TMBIM6: variants seen among roughly 807,000 people sequenced by gnomAD.
TMBIM6 encodes the protein bax inhibitor 1.
TMBIM6 carries 13 observed loss-of-function variants against 31.4 expected under a neutral mutation model. The observed-to-expected ratio is 0.41, with a 90% confidence interval of 0.27 to 0.66. The LOEUF is 0.66. Ranked by LOEUF, TMBIM6 falls within the 30% of genes least tolerant of loss-of-function variation. TMBIM6 has a pLI of 0.28. For missense variants in TMBIM6, 275 were observed against 289.5 expected (o/e 0.95, Z 0.36); for synonymous variants, 85 against 101.7 (o/e 0.84, Z 0.99).
At chr12:49,742,294 G>A in intron 1 of TMBIM6, 1 of 1,568,862 alleles carries the variant, frequency 6.4e-7, no homozygotes, top group South Asian at 1.2e-5. Context: ...AGGTGGCTTT[G>A]CTTTGCTTGG....
rs766062011 is a variant in TMBIM6 at position 49,752,545 on chromosome 12, C to T, written c.52C>T (p.His18Tyr). The T allele has an allele frequency of 6.2e-7, 1 of 1,612,744 alleles. No individual in the cohort carries two copies. Among genetic ancestry groups the T allele is most frequent in the East Asian group, 2.2e-5 (1 of 44,850 alleles). Residue 18 changes from histidine to tyrosine, a missense_variant, in exon 2 of 10, where the codon CAT becomes TAT. By Grantham distance (83) the His-to-Tyr change is moderately conservative. Transcript: ENST00000267115. ...CTTTGATGCGCTTTTAAAATTTTCTCATATGTAAGTGTTTTGACCTTGACT... is the reference window on the plus strand; with the variant it reads ...CTTTGATGCGCTTTTAAAATTTTCTTATATGTAAGTGTTTTGACCTTGACT... Reference protein sequence around the residue: ...INFDALLKFSHITPSTQQHLK... With the variant: ...INFDALLKFSYITPSTQQHLK...
Position 49,752,563 on chromosome 12 carries a change from C to G in TMBIM6, c.56+14C>G. On this transcript the variant is annotated intron_variant, in intron 2 of 9. Transcript: ENST00000267115. ...ATTTTCTCATATGTAAGTGTTTTGA[C>G]CTTGACTGGTTTTGTACTGCATTTC... The G allele has an allele frequency of 6.2e-7, 1 of 1,600,724 alleles. No individual in the cohort carries two copies. The highest frequency in any genetic ancestry group is 8.6e-7 in the Non-Finnish European group (1 of 1,168,958).
Position 49,752,466 on chromosome 12 carries a change from T to C in TMBIM6, c.-28T>C. On this transcript the variant is annotated splice_region_variant and 5_prime_UTR_variant, in exon 2 of 10. Coordinates refer to ENST00000267115, the MANE Select transcript of TMBIM6 (RefSeq NM_003217.3). ...TCTAACCTTTCTTTATTCTGCAGAG[T>C]GGAGACTGCTGCACGGACTCTGGAA... The C allele has an allele frequency of 6.2e-7, 1 of 1,609,258 alleles. No individual in the cohort carries two copies. The highest frequency in any genetic ancestry group is 8.5e-7 in the Non-Finnish European group (1 of 1,177,472).
chr12:49,755,995 G>A (rs146044940), intron 4 of TMBIM6, among the ~76,000 whole-genome samples: 34 of 151,766 alleles, frequency 2.2e-4, no homozygotes, highest in African/African-American at 6.3e-4. Flanking sequence ...CACCACACCC[G>A]GCTAATATTT....
At chr12:49,744,568 G>T (rs1358194291) in intron 1 of TMBIM6, 2 of 152,152 alleles carry the variant, frequency 1.3e-5, no homozygotes, top group African/African-American at 2.4e-5. Context: ...AGCCAGCTGG[G>T]GAATGTTGAT....
chr12:49,741,636 G>A lies in TMBIM6; in HGVS notation c.-31+25G>A, dbSNP rs1179154148. On this transcript the variant is annotated intron_variant, in intron 1 of 9. Transcript: ENST00000267115. The stretch of plus-strand genomic sequence containing the variant: ...GGTACGTCTGAACCTAGTACTGGGC[G>A]AACTGGGAGTGAGAAATGGAAAGGG... 2.9e-5 allele frequency: 5 copies of A among 170,716 alleles called. No homozygotes were observed. In the South Asian group the frequency reaches 3.1e-4, roughly 11 times the overall value. The allele number at this position is 170,716 out of a possible 1,614,324, so 10.6% of individuals were successfully genotyped here. A position where few individuals can be genotyped will look rare whatever the true frequency, so the allele number is the denominator to read the frequency against.
chr12:49,747,754 GTC>G (rs1032396878), intron 1 of TMBIM6, among the ~76,000 whole-genome samples: 5 of 152,300 alleles, frequency 3.3e-5, no homozygotes, highest in African/African-American at 1.2e-4. Flanking sequence ...CTGAGGCAAA[GTC>G]TGTCTTGGCT....
chr12:49,753,170 C>A, intron 3 of TMBIM6, 89 bp downstream of exon 3: 1 of 904,326 alleles, frequency 1.1e-6, no homozygotes, highest in East Asian at 2.6e-5. Context: ...GACCCTGTTC[C>A]TCTCTTTAAT....
chr12:49,759,171 T>C, intron 7 of TMBIM6, 50 bp from the exon 8 acceptor site: 2 of 1,525,518 alleles, frequency 1.3e-6, no homozygotes, highest in East Asian at 4.5e-5. Flanking sequence ...CTGGTTTTTT[T>C]TTCTCTGCAA....
chr12:49,755,889 A>G (rs933183448), intron 4 of TMBIM6, 134 bp downstream of exon 4: 387 of 1,042,972 alleles, frequency 3.7e-4, no homozygotes, highest in Non-Finnish European at 4.9e-4. Context: ...GCCAGAGTGC[A>G]GTGGCTTGAT....
intron 3 of TMBIM6, 26 bp from the exon 4 acceptor site, chr12:49,755,609 T>C (rs1192368011): frequency 6.2e-7 from 1 of 1,606,800 alleles, no homozygotes; most frequent in South Asian, 1.1e-5. Context: ...AAGTGTTTAA[T>C]GATTGATTGA....
At chr12:49,756,299 C>T (rs919928923) in intron 4 of TMBIM6, among the ~76,000 whole-genome samples, 1 of 151,518 alleles carries the variant, frequency 6.6e-6, no homozygotes, top group Non-Finnish European at 1.5e-5. Context: ...CCATGCCCGG[C>T]TAATTTTTGT....
chr12:49,753,382 A>G (rs1945532040), intron 3 of TMBIM6, among the ~76,000 whole-genome samples: 1 of 152,200 alleles, frequency 6.6e-6, no homozygotes, highest in Non-Finnish European at 1.5e-5. Context: ...TTTGGCACAG[A>G]AGCTTTTTTA....
chr12:49,743,613 T>G (rs1159307487), intron 1 of TMBIM6: 1 of 152,198 alleles, frequency 6.6e-6, no homozygotes, highest in Non-Finnish European at 1.5e-5. Context: ...TTTCCCTGAT[T>G]ATAGATATAG....
chr12:49,744,012 AG>A (rs1294716170), intron 1 of TMBIM6, among the ~76,000 whole-genome samples: 1 of 152,194 alleles, frequency 6.6e-6, no homozygotes, highest in Non-Finnish European at 1.5e-5. Context: ...GATTTTTCCT[AG>A]GTTATATAGT....
chr12:49,759,424 G>A (rs1945670640), intron 8 of TMBIM6, 103 bp downstream of exon 8: 3 of 924,000 alleles, frequency 3.2e-6, no homozygotes, highest in Admixed American at 3.6e-5. Flanking sequence ...CCAAGCTTTG[G>A]GAGTGTATGT....
chr12:49,764,705 G>T lies in TMBIM6; in HGVS notation c.*1809G>T, dbSNP rs1394773196. On this transcript the variant is annotated 3_prime_UTR_variant, in exon 10 of 10. Coordinates refer to ENST00000267115, the MANE Select transcript of TMBIM6 (RefSeq NM_003217.3). The stretch of plus-strand genomic sequence containing the variant: ...TTAGAAACAGTGCCAAGAATGACAA[G>T]ATATTAAAAAAAAAAAAGAAAGAAA... 2 of 74,518 alleles carry T rather than the reference G, an allele frequency of 2.7e-5. No individual in the cohort carries two copies. Among genetic ancestry groups the T allele is most frequent in the Admixed American group, 1.5e-4 (1 of 6,894 alleles). The allele number at this position is 74,518 out of a possible 1,614,324, so 4.6% of individuals were successfully genotyped here. A position where few individuals can be genotyped will look rare whatever the true frequency, so the allele number is the denominator to read the frequency against.
rs1320433309 is a variant in TMBIM6, at chr12:49,750,312, C to G, written c.-30-2152C>G. On this transcript the variant is annotated intron_variant, in intron 1 of 9. Coordinates refer to ENST00000267115, the MANE Select transcript of TMBIM6 (RefSeq NM_003217.3). ...GTTTGAGGATCCACCCCGCTCCATCCCTTACCTTTCTTTAATTCTTGTAAT... is the reference window on the plus strand; with the variant it reads ...GTTTGAGGATCCACCCCGCTCCATCGCTTACCTTTCTTTAATTCTTGTAAT... Among the ~76,000 whole-genome samples, 4 of 152,192 alleles carry G rather than the reference C, an allele frequency of 2.6e-5. No individual in the cohort carries two copies. The East Asian group carries it at 7.7e-4, about 29-fold the overall frequency.
rs1217037171 is a variant in TMBIM6 at position 49,757,284 on chromosome 12, T to C, written c.287-943T>C. On this transcript the variant is annotated intron_variant, in intron 4 of 9. Coordinates refer to ENST00000267115, the MANE Select transcript of TMBIM6 (RefSeq NM_003217.3). The stretch of plus-strand genomic sequence containing the variant: ...GTGTCCAAAAATAGCCATTGTGTAC[T>C]TGAATGAATGAGGTTCAAGAGCTTA... Among the ~76,000 whole-genome samples, 9 of 152,360 alleles carry C rather than the reference T, an allele frequency of 5.9e-5. No homozygotes were observed. The East Asian group carries it at 1.5e-3, about 26-fold the overall frequency.
Sources: allele counts gnomAD v4.1 joint callset (sites outside exome capture counted in the v4.1 genomes callset), GRCh38; gene constraint gnomAD v4.1.1; transcripts MANE v1.5; gene names NCBI Gene and HGNC (gene_info 2026-07-23, HGNC 2026-07-21).